Variants in C12orf56 observed in about 807,000 individuals in gnomAD.
C12orf56 encodes the protein chromosome 12 open reading frame 56.
A neutral mutation model predicts 69.9 loss-of-function variants in C12orf56; 71 were observed. The observed-to-expected ratio is 1.02, with a 90% CI of 0.84 to 1.24. The LOEUF (loss-of-function observed/expected upper bound fraction) is 1.24. Among genes scored for constraint, C12orf56 ranks in the 50% most tolerant of loss-of-function variants. The probability of loss-of-function intolerance (pLI) is 0.00; values close to 1 mark genes in which losing one functional copy is unlikely to be tolerated. For synonymous variants in C12orf56, 276 were observed against 274.1 expected (o/e 1.01, Z -0.07); for missense variants, 732 against 738.5 (o/e 0.99, Z 0.10).
At chr12:64,273,254 A>C (rs1865798) in intron 11 of C12orf56, among the ~76,000 whole-genome samples, 106,757 of 151,196 alleles carry the variant, frequency 0.71, 38,827 homozygotes, top group Non-Finnish European at 0.8. Context: ...GAGATCGCAG[A>C]ACTACTGCAC....
At position 64,275,330 on chromosome 12, in the gene C12orf56, G is replaced by C. The variant is rs913844072; in HGVS notation, c.1477C>G (p.Leu493Val). The C allele has an allele frequency of 1.4e-6, 2 of 1,441,624 alleles. No individual in the cohort carries two copies. Among genetic ancestry groups the C allele is most frequent in the Non-Finnish European group, 1.8e-6 (2 of 1,084,076 alleles). 89.3% of individuals were successfully genotyped at this position (1,441,624 alleles called of 1,614,324 possible). Reference sequence around the variant, plus strand: ...AAGACCAGAAGTATCTCATATAAAAGTGCTGTAGCAGTATTTGTATACTCC... The same window carrying C: ...AAGACCAGAAGTATCTCATATAAAACTGCTGTAGCAGTATTTGTATACTCC... The part of the protein sequence containing the change: ...ILEYTNTATA[L>V]LYEILLVFQQ... Residue 493 changes from leucine (L) to valine (V), a missense_variant, in exon 10 of 13, where the codon CTT becomes GTT. Coordinates refer to ENST00000543942, the MANE Select transcript of C12orf56 (RefSeq NM_001170633.2).
chr12:64,338,667 C>T (rs904441608), intron 2 of C12orf56: 2 of 1,578,516 alleles, frequency 1.3e-6, no homozygotes, highest in Non-Finnish European at 1.7e-6. Flanking sequence ...ACAAACTGAC[C>T]TTTCTCTATG....
chr12:64,274,567 A>G (rs2038027226), intron 11 of C12orf56, among the ~76,000 whole-genome samples: 1 of 152,182 alleles, frequency 6.6e-6, no homozygotes, highest in South Asian at 2.1e-4. Context: ...AAATGATCCC[A>G]AGTGTTAGAT....
chr12:64,379,611 T>C (rs1483211072), intron 1 of C12orf56, among the ~76,000 whole-genome samples: 1 of 151,792 alleles, frequency 6.6e-6, no homozygotes, highest in Non-Finnish European at 1.5e-5. Flanking sequence ...TACTATTCTA[T>C]TCAAACAAAT....
At chr12:64,373,806 GT>G (rs1209266046) in intron 1 of C12orf56, among the ~76,000 whole-genome samples, 2 of 152,064 alleles carry the variant, frequency 1.3e-5, no homozygotes, top group Non-Finnish European at 2.9e-5. Flanking sequence ...TTATTTATAT[GT>G]TTTTTTAATC....
chr12:64,379,536 T>G (rs1261401847), intron 1 of C12orf56, among the ~76,000 whole-genome samples: 1 of 151,714 alleles, frequency 6.6e-6, no homozygotes, highest in Non-Finnish European at 1.5e-5. Flanking sequence ...TCCGCCCACC[T>G]CGGCCTCCCA....
At chr12:64,315,593 T>C (rs1407925230) in intron 4 of C12orf56, among the ~76,000 whole-genome samples, 1 of 152,072 alleles carries the variant, frequency 6.6e-6, no homozygotes, top group Non-Finnish European at 1.5e-5. Context: ...AATTTCTAAT[T>C]AGATGGTTTG....
intron 1 of C12orf56, among the ~76,000 whole-genome samples, chr12:64,356,218 T>C (rs1432124300): frequency 6.6e-6 from 1 of 151,718 alleles, no homozygotes; most frequent in Non-Finnish European, 1.5e-5. Flanking sequence ...TTAAGCTTAT[T>C]TTTATATTTT....
At chr12:64,380,195 T>C (rs2039702114) in intron 1 of C12orf56, among the ~76,000 whole-genome samples, 1 of 142,192 alleles carries the variant, frequency 7.0e-6, no homozygotes, top group Non-Finnish European at 1.5e-5. Context: ...TCTCACAATA[T>C]GCACAAAGAA....
chr12:64,380,082 G>A (rs1344578335), intron 1 of C12orf56, among the ~76,000 whole-genome samples: 2 of 123,218 alleles, frequency 1.6e-5, no homozygotes, highest in East Asian at 4.9e-4. Flanking sequence ...TCCAGCCTGG[G>A]CGACAGAGCA....
At chr12:64,325,731 A>G (rs573664314) in intron 3 of C12orf56, among the ~76,000 whole-genome samples, 12 of 152,296 alleles carry the variant, frequency 7.9e-5, no homozygotes, top group East Asian at 3.9e-4. Flanking sequence ...AGCATCTCCA[A>G]TAGTCTTCCC....
chr12:64,349,206 A>G (rs2039188681), intron 2 of C12orf56, among the ~76,000 whole-genome samples: 1 of 152,238 alleles, frequency 6.6e-6, no homozygotes, highest in Non-Finnish European at 1.5e-5. Context: ...AAAGTGGGTT[A>G]AGGATATGAA....
intron 1 of C12orf56, among the ~76,000 whole-genome samples, chr12:64,382,805 GGA>G (rs764715628): frequency 1.3e-5 from 2 of 150,966 alleles, no homozygotes; most frequent in Non-Finnish European, 2.9e-5. Flanking sequence ...CCCGGGAGGC[GGA>G]GTGCAGTTAG....
At chr12:64,283,892 A>C (rs1366961834) in intron 8 of C12orf56, among the ~76,000 whole-genome samples, 1 of 148,618 alleles carries the variant, frequency 6.7e-6, no homozygotes, top group South Asian at 2.1e-4. Flanking sequence ...TTTGGGCCAC[A>C]TATTTTAGAG....
At chr12:64,298,907 AT>A (rs1359643452) in intron 6 of C12orf56, among the ~76,000 whole-genome samples, 1 of 152,138 alleles carries the variant, frequency 6.6e-6, no homozygotes, top group Non-Finnish European at 1.5e-5. Flanking sequence ...GTTCTTTCCA[AT>A]TCTGTGGAGA....
At chr12:64,289,297 C>G (rs1592422813) in intron 6 of C12orf56, among the ~76,000 whole-genome samples, 1 of 123,050 alleles carries the variant, frequency 8.1e-6, no homozygotes, top group African/African-American at 2.9e-5. Context: ...CGTCTGCAAA[C>G]AGGGACAATT....
chr12:64,375,582 A>T (rs914221312), intron 1 of C12orf56, among the ~76,000 whole-genome samples: 1 of 152,198 alleles, frequency 6.6e-6, no homozygotes, highest in Non-Finnish European at 1.5e-5. Flanking sequence ...GATGAGGAGC[A>T]TAGAGGCTGG....
At chr12:64,293,706 T>C (rs1225797504) in intron 6 of C12orf56, among the ~76,000 whole-genome samples, 1 of 152,198 alleles carries the variant, frequency 6.6e-6, no homozygotes, top group East Asian at 1.9e-4. Context: ...TGCATCTACC[T>C]GAAACAACAT....
chr12:64,345,212 G>A (rs2039124600), intron 2 of C12orf56, among the ~76,000 whole-genome samples: 1 of 152,280 alleles, frequency 6.6e-6, no homozygotes. Context: ...GGAACATTGG[G>A]GGGTGGGTCC....
Sources: gnomAD v4.1 joint callset for allele counts (sites outside exome capture counted in the v4.1 genomes callset) on GRCh38, gnomAD v4.1.1 for gene constraint, MANE v1.5 for transcripts, NCBI Gene and HGNC (gene_info 2026-07-23, HGNC 2026-07-21) for gene names.